Variants in LHFPL3 observed in about 807,000 individuals in gnomAD.
The protein encoded by LHFPL3 is LHFPL tetraspan subfamily member 3 protein.
Under a neutral mutation model 19.3 loss-of-function variants are expected in LHFPL3, and 5 were observed. That is an observed-to-expected ratio of 0.26 (90% CI 0.14 to 0.54). The LOEUF (loss-of-function observed/expected upper bound fraction) is 0.54, where lower values mean the gene tolerates loss of function less well. LHFPL3 is among the 20% of genes least tolerant of loss of function. The pLI is 0.94. For synonymous variants in LHFPL3, 133 were observed against 126.2 expected, an observed-to-expected ratio of 1.05 and a Z score of -0.36; for missense variants, 249 against 307.4, an observed-to-expected ratio of 0.81 and a Z score of 1.42.
intron 1 of LHFPL3, among the ~76,000 whole-genome samples, chr7:104,558,377 G>A (rs1198070555): frequency 6.7e-6 from 1 of 148,420 alleles, no homozygotes; most frequent in Non-Finnish European, 1.5e-5. Context: ...CATTCTAACT[G>A]GTGTGAGATG....
intron 1 of LHFPL3, among the ~76,000 whole-genome samples, chr7:104,330,559 C>G (rs1183098200): frequency 6.6e-6 from 1 of 152,084 alleles, no homozygotes; most frequent in East Asian, 1.9e-4. Context: ...GGAGACTACA[C>G]TTGTGTGAAA....
At chr7:104,554,799 A>G (rs1474878720) in intron 1 of LHFPL3, among the ~76,000 whole-genome samples, 3 of 152,164 alleles carry the variant, frequency 2.0e-5, no homozygotes, top group Non-Finnish European at 4.4e-5. Context: ...AGGGAAGACA[A>G]TAGTCCAAGT....
chr7:104,626,669 G>A (rs1018773013), intron 1 of LHFPL3, among the ~76,000 whole-genome samples: 7 of 152,120 alleles, frequency 4.6e-5, no homozygotes, highest in Non-Finnish European at 5.9e-5. Flanking sequence ...ATAGGGTGTG[G>A]GTTGTTATGG....
At chr7:104,628,774 G>T (rs926027477) in intron 1 of LHFPL3, among the ~76,000 whole-genome samples, 1 of 152,000 alleles carries the variant, frequency 6.6e-6, no homozygotes, top group Non-Finnish European at 1.5e-5. Context: ...TTTAACTAAC[G>T]TTTGGTTCCT....
At chr7:104,732,129 T>G (rs1451642224) in intron 1 of LHFPL3, among the ~76,000 whole-genome samples, 1 of 152,192 alleles carries the variant, frequency 6.6e-6, no homozygotes, top group Non-Finnish European at 1.5e-5. Flanking sequence ...AGTTTGCCAG[T>G]ATTTTATTGA....
rs546063840 is a variant in LHFPL3 at position 104,799,796 on chromosome 7, C to T, written c.682+62885C>T. ...TCCCACACACTGTGCCCTGAAGAACCTCATTTTCCTTTTGCTTTTACCTTG... is the reference window on the plus strand; with the variant it reads ...TCCCACACACTGTGCCCTGAAGAACTTCATTTTCCTTTTGCTTTTACCTTG... On this transcript the variant is annotated intron_variant, in intron 2 of 2. Coordinates refer to ENST00000424859, the MANE Select transcript of LHFPL3 (RefSeq NM_199000.3). 2.6e-5 allele frequency: 4 copies of T among 153,380 alleles called. No homozygotes were observed. In the East Asian group the frequency reaches 7.7e-4, roughly 30 times the overall value. The allele number at this position is 153,380 out of a possible 1,614,324, so 9.5% of individuals were successfully genotyped here.
At chr7:104,401,327 A>G (rs1018028133) in intron 1 of LHFPL3, among the ~76,000 whole-genome samples, 3 of 152,248 alleles carry the variant, frequency 2.0e-5, no homozygotes, top group Non-Finnish European at 4.4e-5. Context: ...TTTAAAGGCT[A>G]TAGCTGACCA....
intron 1 of LHFPL3, among the ~76,000 whole-genome samples, chr7:104,461,139 A>C (rs1483191457): frequency 6.6e-6 from 1 of 152,232 alleles, no homozygotes; most frequent in African/African-American, 2.4e-5. Context: ...AGGCAAACAC[A>C]TCTTTCTTCA....
intron 1 of LHFPL3, among the ~76,000 whole-genome samples, chr7:104,466,278 T>G (rs1391844112): frequency 6.6e-6 from 1 of 152,212 alleles, no homozygotes; most frequent in Non-Finnish European, 1.5e-5. Context: ...TCACCTCAGT[T>G]TTGTAAAAAT....
intron 1 of LHFPL3, among the ~76,000 whole-genome samples, chr7:104,417,454 AT>A (rs1415503170): frequency 6.6e-6 from 1 of 152,108 alleles, no homozygotes; most frequent in Non-Finnish European, 1.5e-5. Context: ...GGTTGATTTG[AT>A]TTGCATTTAT....
intron 2 of LHFPL3, among the ~76,000 whole-genome samples, chr7:104,869,012 T>C (rs1476492898): frequency 1.3e-5 from 2 of 152,202 alleles, no homozygotes; most frequent in Non-Finnish European, 2.9e-5. Context: ...CTGGGAAAAC[T>C]GGCTAGCCAT....
intron 2 of LHFPL3, among the ~76,000 whole-genome samples, chr7:104,800,327 T>C (rs539683518): frequency 1.3e-5 from 2 of 152,322 alleles, no homozygotes; most frequent in South Asian, 2.1e-4. Context: ...GATCTGTATA[T>C]GACTAGAGCT....
At chr7:104,765,237 C>G (rs1794436593) in intron 2 of LHFPL3, among the ~76,000 whole-genome samples, 1 of 152,174 alleles carries the variant, frequency 6.6e-6, no homozygotes, top group South Asian at 2.1e-4. Context: ...CCTCTACTCC[C>G]TTTTCAGCAC....
chr7:104,365,508 G>A (rs1437790772), intron 1 of LHFPL3, among the ~76,000 whole-genome samples: 1 of 151,626 alleles, frequency 6.6e-6, no homozygotes, highest in East Asian at 2.0e-4. Flanking sequence ...TCGGCCGGGC[G>A]CGGTGGCTCA....
In LHFPL3 at chr7:104,500,863, C is replaced by T. The variant is rs10254359; in HGVS notation, c.445+171639C>T. On this transcript the variant is annotated intron_variant, in intron 1 of 2. Transcript: ENST00000424859. Reference sequence around the variant, plus strand: ...GTCTCCCAGCCTCCTCTCCCAAGAACAGCCCCACTGGCCTTTCAAATGCCT... The same window carrying T: ...GTCTCCCAGCCTCCTCTCCCAAGAATAGCCCCACTGGCCTTTCAAATGCCT... Among the ~76,000 whole-genome samples the T allele has an allele frequency of 3.7e-3, 565 of 152,302 alleles. 7 individuals are homozygous for T. Among genetic ancestry groups the T allele is most frequent in the African/African-American group, 0.013 (546 of 41,548 alleles).
intron 2 of LHFPL3, among the ~76,000 whole-genome samples, chr7:104,765,717 A>T (rs528567852): frequency 6.6e-6 from 1 of 152,332 alleles, no homozygotes; most frequent in South Asian, 2.1e-4. Flanking sequence ...TCCCATGATG[A>T]CCTTGTAGCA....
At chr7:104,790,860 A>T (rs1366284099) in intron 2 of LHFPL3, among the ~76,000 whole-genome samples, 1 of 152,244 alleles carries the variant, frequency 6.6e-6, no homozygotes, top group Non-Finnish European at 1.5e-5. Context: ...TCAAGTAAGG[A>T]CATCAAATAA....
At chr7:104,481,652 A>G (rs185904937) in intron 1 of LHFPL3, among the ~76,000 whole-genome samples, 25 of 152,124 alleles carry the variant, frequency 1.6e-4, no homozygotes, top group African/African-American at 5.8e-4. Flanking sequence ...AATCTAACAC[A>G]TAACAGTGCT....
chr7:104,575,521 GAAAT>G (rs1366216082), intron 1 of LHFPL3, among the ~76,000 whole-genome samples: 1 of 106,912 alleles, frequency 9.4e-6, no homozygotes, highest in Non-Finnish European at 1.7e-5. Flanking sequence ...TAATATATGA[GAAAT>G]GAGTGAGAAC....
Sources: gnomAD v4.1 joint callset for allele counts (sites outside exome capture counted in the v4.1 genomes callset) on GRCh38, gnomAD v4.1.1 for gene constraint, MANE v1.5 for transcripts, NCBI Gene and HGNC (gene_info 2026-07-23, HGNC 2026-07-21) for gene names.